The following FAM180A variants were observed in gnomAD, a reference collection of about 807,000 sequenced individuals.
FAM180A encodes the protein family with sequence similarity 180 member A, also known as protein FAM180A.
Under a neutral mutation model 15.3 loss-of-function variants are expected in FAM180A, and 14 were observed. The observed-to-expected ratio is 0.92, with a 90% confidence interval of 0.61 to 1.43. FAM180A has a LOEUF of 1.43. Ranked by LOEUF, FAM180A falls within the 40% of genes most tolerant of loss-of-function variation. The pLI is 0.00. For missense variants in FAM180A, 200 were observed against 220.8 expected (o/e 0.91, Z 0.60); for synonymous variants, 90 against 96.8 (o/e 0.93, Z 0.41).
chr7:135,737,368 C>A (rs1796886981), intron 1 of FAM180A, among the ~76,000 whole-genome samples, 169 bp from the exon 2 acceptor site: 1 of 152,036 alleles, frequency 6.6e-6, no homozygotes, highest in Admixed American at 6.6e-5. Flanking sequence ...GGGCGGATCA[C>A]CTGAAGTCAG....
At chr7:135,743,363 G>C (rs1796983283) in intron 1 of FAM180A, among the ~76,000 whole-genome samples, 1 of 151,968 alleles carries the variant, frequency 6.6e-6, no homozygotes, top group Non-Finnish European at 1.5e-5. Flanking sequence ...ACCATGCCTG[G>C]CTAATTTTTG....
rs1389689777 is a variant in FAM180A, at chr7:135,734,219, C to T, written c.278G>A (p.Cys93Tyr). 5 of 1,614,086 alleles carry T rather than the reference C, an allele frequency of 3.1e-6. No homozygotes were observed. The highest frequency in any genetic ancestry group is 4.5e-5 in the East Asian group (2 of 44,896). The change falls in exon 3 of 4, where the codon TGC becomes TAC. Residue 93 changes from cysteine to tyrosine, a missense_variant. Cys to Tyr is a radical substitution (Grantham distance 194, BLOSUM62 -2). Transcript: ENST00000338588. Reference protein sequence around the residue: ...LRKASDFRTVCNNVIPKSIPD... With the variant: ...LRKASDFRTVYNNVIPKSIPD... Reference sequence around the variant, plus strand: ...GATGCTCTTGGGGATGACGTTGTTGCAGACGGTGCGGAAGTCTGAGGCCTT... The same window carrying T: ...GATGCTCTTGGGGATGACGTTGTTGTAGACGGTGCGGAAGTCTGAGGCCTT...
chr7:135,744,560 G>C (rs1406174482), intron 1 of FAM180A, among the ~76,000 whole-genome samples: 1 of 152,222 alleles, frequency 6.6e-6, no homozygotes, highest in Non-Finnish European at 1.5e-5. Flanking sequence ...GGTCCTCTGG[G>C]AGAGCTCCTG....
At chr7:135,742,676 A>G (rs770815478) in intron 1 of FAM180A, among the ~76,000 whole-genome samples, 2 of 152,230 alleles carry the variant, frequency 1.3e-5, no homozygotes, top group Non-Finnish European at 2.9e-5. Context: ...TTCATGTGTT[A>G]TAGCGTGTTC....
chr7:135,748,772 C>T lies in FAM180A; in HGVS notation c.-192G>A, dbSNP rs145085065. ...GCTGCGTCCTGGGTGGGACAGGAGTCGGTACCTCTCTTCATTTGACGCTCT... is the reference window on the plus strand; with the variant it reads ...GCTGCGTCCTGGGTGGGACAGGAGTTGGTACCTCTCTTCATTTGACGCTCT... On this transcript the variant is annotated 5_prime_UTR_variant, in exon 1 of 4. Coordinates refer to ENST00000338588, the MANE Select transcript of FAM180A (RefSeq NM_205855.4). 0.013 allele frequency: 7,514 copies of T among 586,408 alleles called. 67 individuals are homozygous for T. The highest frequency in any genetic ancestry group is 0.018 in the Non-Finnish European group (5,836 of 328,898). The allele number at this position is 586,408 out of a possible 1,614,324, so 36.3% of individuals were successfully genotyped here. A position where few individuals can be genotyped will look rare whatever the true frequency, so the allele number is the denominator to read the frequency against.
At chr7:135,746,494 TA>T (rs1368388542) in intron 1 of FAM180A, among the ~76,000 whole-genome samples, 1 of 152,162 alleles carries the variant, frequency 6.6e-6, no homozygotes, top group Non-Finnish European at 1.5e-5. Flanking sequence ...CATTGCCAAA[TA>T]GAGATGGAAC....
intron 2 of FAM180A, 107 bp from the exon 3 acceptor site, chr7:135,734,426 T>C (rs763317607): frequency 6.5e-6 from 7 of 1,071,692 alleles, no homozygotes; most frequent in African/African-American, 3.2e-5. Flanking sequence ...CAGAAGAGCT[T>C]TGGAACTCAA....
intron 1 of FAM180A, among the ~76,000 whole-genome samples, chr7:135,738,439 C>T (rs1796901994): frequency 6.6e-6 from 1 of 152,216 alleles, no homozygotes. Flanking sequence ...AGTGATCTGC[C>T]TGCCTCAGCC....
intron 2 of FAM180A, among the ~76,000 whole-genome samples, chr7:135,735,584 C>T (rs1796858524): frequency 1.3e-5 from 2 of 152,194 alleles, no homozygotes; most frequent in African/African-American, 2.4e-5. Context: ...TAGATCTCTT[C>T]GTATGACTCC....
At position 135,734,004 on chromosome 7, in the gene FAM180A, G is replaced by A. The variant is rs554135792; in HGVS notation, c.493C>T (p.Arg165Cys). 43 of 1,611,176 alleles carry A rather than the reference G, an allele frequency of 2.7e-5. No homozygotes were observed. The highest frequency in any genetic ancestry group is 4.0e-5 in the African/African-American group (3 of 75,026). Residue 165 changes from arginine (R) to cysteine (C), a missense_variant, in exon 3 of 4, where the codon CGC becomes TGC. Arg to Cys is a radical substitution (Grantham distance 180). Transcript: ENST00000338588. Reference sequence around the variant, plus strand: ...GGAGGTACTCCCGGCTGTGAGGAGCGCATCAAGTCGTGCCTCAGGGCCTGG... The same window carrying A: ...GGAGGTACTCCCGGCTGTGAGGAGCACATCAAGTCGTGCCTCAGGGCCTGG... ...LFQALRHDLM[R>C]SSQPGVPP
intron 1 of FAM180A, among the ~76,000 whole-genome samples, chr7:135,738,630 A>T (rs1003412462): frequency 6.6e-6 from 1 of 152,226 alleles, no homozygotes; most frequent in Non-Finnish European, 1.5e-5. Context: ...AGAATTAGGC[A>T]CTAACTGGGG....
At chr7:135,736,582 G>A (rs1328190249) in intron 2 of FAM180A, among the ~76,000 whole-genome samples, 1 of 152,210 alleles carries the variant, frequency 6.6e-6, no homozygotes, top group Non-Finnish European at 1.5e-5. Context: ...CCTGTGGTTT[G>A]GAGGAGGAGT....
chr7:135,732,689 T>TCTCA (rs1162974673), intron 3 of FAM180A, among the ~76,000 whole-genome samples: 1 of 141,858 alleles, frequency 7.0e-6, no homozygotes. Context: ...CGAGACTCCA[T>TCTCA]CACACACACA....
intron 1 of FAM180A, among the ~76,000 whole-genome samples, chr7:135,747,675 C>A (rs758728182): frequency 2.0e-5 from 3 of 152,134 alleles, no homozygotes; most frequent in Non-Finnish European, 4.4e-5. Flanking sequence ...ACTGGCCTGA[C>A]TTGAAGGAGC....
At chr7:135,736,987 AG>A in intron 2 of FAM180A, 111 bp downstream of exon 2, 1 of 790,604 alleles carries the variant, frequency 1.3e-6, no homozygotes, top group Non-Finnish European at 2.2e-6. Context: ...CTACCACAGC[AG>A]GGGTCACTCA....
chr7:135,734,909 T>A (rs1796849508), intron 2 of FAM180A, among the ~76,000 whole-genome samples: 3 of 152,166 alleles, frequency 2.0e-5, no homozygotes, highest in Admixed American at 2.0e-4. Context: ...TTGTTTTTTG[T>A]TTTCTTTTTT....
intron 1 of FAM180A, among the ~76,000 whole-genome samples, chr7:135,738,313 C>T (rs575448148): frequency 6.6e-6 from 1 of 152,208 alleles, no homozygotes; most frequent in Non-Finnish European, 1.5e-5. Context: ...CCTGCCTCAG[C>T]CTCTCAAGTA....
At chr7:135,736,991 G>T in intron 2 of FAM180A, 108 bp downstream of exon 2, 2 of 813,640 alleles carry the variant, frequency 2.5e-6, no homozygotes. Context: ...CACAGCAGGG[G>T]TCACTCATGG....
chr7:135,742,232 G>A (rs1796961375), intron 1 of FAM180A, among the ~76,000 whole-genome samples: 1 of 152,202 alleles, frequency 6.6e-6, no homozygotes, highest in South Asian at 2.1e-4. Flanking sequence ...GAGGTGGTGG[G>A]TGAGAAATAG....
Sources: gnomAD v4.1 joint callset for allele counts (sites outside exome capture counted in the v4.1 genomes callset) on GRCh38, gnomAD v4.1.1 for gene constraint, MANE v1.5 for transcripts, NCBI Gene and HGNC (gene_info 2026-07-23, HGNC 2026-07-21) for gene names.